The following WWOX variants were observed in gnomAD, a reference collection of about 807,000 sequenced individuals.
WWOX encodes the protein WW domain-containing oxidoreductase.
Under a neutral mutation model 46.2 loss-of-function variants are expected in WWOX, and 69 were observed. That is an observed-to-expected ratio of 1.49 (90% CI 1.23 to 1.82). WWOX has a LOEUF of 1.82. Among genes scored for constraint, WWOX ranks in the 40% most tolerant of loss-of-function variants. The probability of loss-of-function intolerance (pLI) is 0.00; values close to 1 mark genes in which losing one functional copy is unlikely to be tolerated. For missense variants in WWOX, 919 were observed against 542.6 expected, an observed-to-expected ratio of 1.69 and a Z score of -6.89; for synonymous variants, 359 against 202.6, an observed-to-expected ratio of 1.77 and a Z score of -6.56.
chr16:78,606,330 A>G (rs562058163), intron 8 of WWOX, among the ~76,000 whole-genome samples: 3 of 152,172 alleles, frequency 2.0e-5, no homozygotes, highest in Non-Finnish European at 4.4e-5. Flanking sequence ...TCTCTTTTAT[A>G]AGAAGGATGC....
chr16:78,917,482 AT>A (rs779863159), intron 8 of WWOX, among the ~76,000 whole-genome samples: 2 of 148,434 alleles, frequency 1.3e-5, no homozygotes, highest in African/African-American at 5.1e-5. Flanking sequence ...GAGCTGGCTG[AT>A]TTTTTTTTCC....
intron 8 of WWOX, among the ~76,000 whole-genome samples, chr16:79,154,519 A>C: frequency 6.7e-6 from 1 of 150,230 alleles, no homozygotes; most frequent in East Asian, 2.0e-4. Context: ...AAAAAAAAAA[A>C]AGAGGTGAAT....
At chr16:78,327,831 G>A (rs1334890232) in intron 5 of WWOX, among the ~76,000 whole-genome samples, 3 of 148,076 alleles carry the variant, frequency 2.0e-5, no homozygotes, top group South Asian at 2.2e-4. Flanking sequence ...GCTTTGGAAA[G>A]CAAGACATTA....
chr16:78,533,869 T>G (rs1004579135), intron 8 of WWOX, among the ~76,000 whole-genome samples: 3 of 152,188 alleles, frequency 2.0e-5, no homozygotes, highest in Admixed American at 6.5e-5. Context: ...CTATCATCTC[T>G]GTGAGCCCTT....
At chr16:78,637,813 G>GC (rs2046610731) in intron 8 of WWOX, among the ~76,000 whole-genome samples, 1 of 152,110 alleles carries the variant, frequency 6.6e-6, no homozygotes. Flanking sequence ...CATTGTCCCA[G>GC]GCCAGGGCCT....
intron 8 of WWOX, among the ~76,000 whole-genome samples, chr16:78,927,571 G>A (rs902371900): frequency 3.3e-5 from 5 of 152,106 alleles, no homozygotes; most frequent in Admixed American, 2.6e-4. Flanking sequence ...CTGAAGTTGC[G>A]TAGGTACCAG....
chr16:78,359,973 G>T (rs2081375573), intron 5 of WWOX, among the ~76,000 whole-genome samples: 1 of 152,150 alleles, frequency 6.6e-6, no homozygotes, highest in Non-Finnish European at 1.5e-5. Context: ...TCAATCATTA[G>T]AAAATAATTT....
intron 5 of WWOX, among the ~76,000 whole-genome samples, chr16:78,380,012 G>T (rs2081920651): frequency 6.6e-6 from 1 of 152,208 alleles, no homozygotes; most frequent in Admixed American, 6.5e-5. Context: ...CATGAATTTA[G>T]TCCTGTAAAT....
In WWOX at chr16:78,373,457, C is replaced by T. The variant is rs550628954; in HGVS notation, c.517-13403C>T. Among the ~76,000 whole-genome samples, 4 of 152,276 alleles carry T rather than the reference C, an allele frequency of 2.6e-5. No homozygotes were observed. The South Asian group carries it at 6.2e-4, about 24-fold the overall frequency. The stretch of plus-strand genomic sequence containing the variant: ...AGAAATAGCCCAGGAGTTACATTCT[C>T]TTCTGCTCAGTGACCATTAGTGGAA... On this transcript the variant is annotated intron_variant, in intron 5 of 8. Coordinates refer to ENST00000566780, the MANE Select transcript of WWOX (RefSeq NM_016373.4).
At chr16:79,210,783 GGAT>G (rs1201193417) in intron 8 of WWOX, among the ~76,000 whole-genome samples, 2 of 152,088 alleles carry the variant, frequency 1.3e-5, no homozygotes, top group Non-Finnish European at 2.9e-5. Flanking sequence ...CTGTCAGTTT[GGAT>G]GATATGATGC....
chr16:79,001,715 G>A (rs2151363265), intron 8 of WWOX, among the ~76,000 whole-genome samples: 1 of 152,030 alleles, frequency 6.6e-6, no homozygotes, highest in African/African-American at 2.4e-5. Flanking sequence ...ATGAAGGGAG[G>A]GGAGAGAGGG....
intron 8 of WWOX, among the ~76,000 whole-genome samples, chr16:78,584,080 A>G (rs1484213577): frequency 2.0e-5 from 3 of 152,158 alleles, no homozygotes; most frequent in Non-Finnish European, 4.4e-5. Context: ...TTATAAAGTT[A>G]TTTGTGTGTT....
At chr16:78,778,532 T>G (rs1339596123) in intron 8 of WWOX, among the ~76,000 whole-genome samples, 2 of 152,158 alleles carry the variant, frequency 1.3e-5, no homozygotes. Context: ...ATTTCACAAT[T>G]TGGGTGAGTG....
rs556198196 is a variant in WWOX, at chr16:78,871,139, T to C, written c.1057-340469T>C. 5.5e-4 allele frequency among the ~76,000 whole-genome samples: 84 copies of C among 151,842 alleles called. 1 individual carries two copies. The highest frequency in any genetic ancestry group is 8.8e-4 in the Non-Finnish European group (60 of 68,004). On this transcript the variant is annotated intron_variant, in intron 8 of 8. Transcript: ENST00000566780. ...ATGAATGAACAAATGGCATTCTACA[T>C]TGAATATAGTAATTCCCAACTTTCG...
chr16:78,600,502 G>C (rs1039531633), intron 8 of WWOX, among the ~76,000 whole-genome samples: 4 of 152,100 alleles, frequency 2.6e-5, no homozygotes, highest in African/African-American at 9.7e-5. Context: ...GTGGGTTAAA[G>C]CATCCATGTT....
chr16:78,460,623 G>A (rs1219101576), intron 8 of WWOX, among the ~76,000 whole-genome samples: 2 of 152,186 alleles, frequency 1.3e-5, no homozygotes, highest in Non-Finnish European at 2.9e-5. Context: ...CTTGAAAGAG[G>A]GAGAACTGAT....
intron 5 of WWOX, among the ~76,000 whole-genome samples, chr16:78,269,602 A>G (rs144581150): frequency 1.7e-3 from 260 of 152,356 alleles, no homozygotes; most frequent in African/African-American, 6.1e-3. Flanking sequence ...CTCTATCTTT[A>G]TCTAAAATTT....
chr16:78,881,769 C>T (rs935943953), intron 8 of WWOX, among the ~76,000 whole-genome samples: 1 of 152,166 alleles, frequency 6.6e-6, no homozygotes, highest in Non-Finnish European at 1.5e-5. Context: ...CAAAATGGTT[C>T]TTCTGCTCAG....
chr16:78,804,631 G>C (rs2050980706), intron 8 of WWOX, among the ~76,000 whole-genome samples: 1 of 152,196 alleles, frequency 6.6e-6, no homozygotes, highest in Non-Finnish European at 1.5e-5. Flanking sequence ...GTCAAGCAAT[G>C]AGCCTTTGAG....
Sources: gnomAD v4.1 joint callset for allele counts (sites outside exome capture counted in the v4.1 genomes callset) on GRCh38, gnomAD v4.1.1 for gene constraint, MANE v1.5 for transcripts, NCBI Gene and HGNC (gene_info 2026-07-23, HGNC 2026-07-21) for gene names.